The following DHX9 variants were observed in gnomAD, a reference collection of about 807,000 sequenced individuals.
DHX9 encodes ATP-dependent RNA helicase A.
Under a neutral mutation model 148.7 loss-of-function variants are expected in DHX9, and 27 were observed. The observed-to-expected ratio is 0.18, with a 90% confidence interval of 0.13 to 0.25. The LOEUF (loss-of-function observed/expected upper bound fraction) is 0.25. Among genes scored for constraint, DHX9 ranks in the 10% least tolerant of loss-of-function variants. The pLI, the probability that DHX9 is intolerant of heterozygous loss-of-function variation, is 1.00. For synonymous variants in DHX9, 529 were observed against 516.6 expected, an observed-to-expected ratio of 1.02 and a Z score of -0.33; for missense variants, 796 against 1,559.6, an observed-to-expected ratio of 0.51 and a Z score of 8.25.
intron 3 of DHX9, among the ~76,000 whole-genome samples, chr1:182,850,192 A>C (rs570598453): frequency 1.3e-5 from 2 of 152,124 alleles, no homozygotes; most frequent in South Asian, 4.1e-4. Context: ...TACTACTCCA[A>C]GCTTGGGTAT....
intron 14 of DHX9, 73 bp from the exon 15 acceptor site, chr1:182,872,264 A>G (rs1648581324): frequency 5.4e-6 from 7 of 1,303,254 alleles, no homozygotes; most frequent in East Asian, 2.3e-5. Flanking sequence ...TTATGGCTGT[A>G]TAACTCTTTT....
chr1:182,882,699 A>T (rs901500160), intron 24 of DHX9, among the ~76,000 whole-genome samples: 1 of 151,972 alleles, frequency 6.6e-6, no homozygotes, highest in African/African-American at 2.4e-5. Flanking sequence ...ACCCGTCTCT[A>T]CTAAAACTAC....
In DHX9 at chr1:182,876,230, A is replaced by G. The variant is rs756094323; in HGVS notation, c.1996A>G (p.Met666Val). The G allele has an allele frequency of 1.2e-6, 2 of 1,613,826 alleles. No individual in the cohort carries two copies. The highest frequency in any genetic ancestry group is 1.1e-5 in the South Asian group (1 of 91,016). Residue 666 changes from methionine (M) to valine (V), a missense_variant, in exon 17 of 28, where the codon ATG becomes GTG. Physicochemically the swap from Met to Val is conservative, Grantham distance 21. Around this residue, in one of 14 missense-constraint regions of DHX9, gnomAD observed 133 missense variants for 223.8 expected, o/e 0.59. Coordinates refer to ENST00000367549, the MANE Select transcript of DHX9 (RefSeq NM_001357.5). The part of the protein sequence containing the change: ...FLPGWNLIYT[M>V]QKHLEMNPHF... ...GCCTGGCTGGAATCTGATTTATACT[A>G]TGCAGAAGCATTTGGAAATGAATCC...
rs1571311725 is a variant in DHX9, at chr1:182,866,677, T to C, written c.1474+92T>C. On this transcript the variant is annotated intron_variant, in intron 13 of 27. Coordinates refer to ENST00000367549, the MANE Select transcript of DHX9 (RefSeq NM_001357.5). ...GAACAGAATGACTGGAAAGAAATAA[T>C]GAGCCAGTCTCAGATTTCTTGTTTA... 9.2e-6 allele frequency: 13 copies of C among 1,413,992 alleles called. No individual in the cohort carries two copies. The East Asian group carries it at 3.0e-4, about 33-fold the overall frequency. The allele number at this position is 1,413,992 out of a possible 1,614,324, so 87.6% of individuals were successfully genotyped here.
At chr1:182,855,878 A>C (rs1163109187) in intron 6 of DHX9, among the ~76,000 whole-genome samples, 2 of 152,184 alleles carry the variant, frequency 1.3e-5, no homozygotes, top group Non-Finnish European at 2.9e-5. Context: ...CTAAAACCTA[A>C]ATTCATTTTT....
At chr1:182,841,197 A>T (rs554493292) in intron 1 of DHX9, among the ~76,000 whole-genome samples, 187 of 152,260 alleles carry the variant, frequency 1.2e-3, no homozygotes, top group African/African-American at 4.5e-3. Flanking sequence ...AGGCTGAGGC[A>T]GGAGAATCGC....
At chr1:182,882,863 C>CAA (rs796875709) in intron 24 of DHX9, among the ~76,000 whole-genome samples, 5 of 83,814 alleles carry the variant, frequency 6.0e-5, no homozygotes, top group East Asian at 3.7e-4. Flanking sequence ...AGACTCGTCT[C>CAA]AAAAAAAAAA....
At chr1:182,873,104 C>G (rs1465803837) in intron 15 of DHX9, among the ~76,000 whole-genome samples, 1 of 152,050 alleles carries the variant, frequency 6.6e-6, no homozygotes, top group African/African-American at 2.4e-5. Flanking sequence ...TACAGGCGCA[C>G]AACACCACGC....
Position 182,876,088 on chromosome 1 carries a change from A to G in DHX9, c.1854A>G (p.Pro618=), listed in dbSNP as rs749016983. ...CNLICGDEYG[P]ETRLSMSQLN... ...TGATCTGTGGTGATGAATATGGTCCAGAAACAAGGTTGAGCATGTCTCAAT... is the reference window on the plus strand; with the variant it reads ...TGATCTGTGGTGATGAATATGGTCCGGAAACAAGGTTGAGCATGTCTCAAT... The change falls in exon 17 of 28, where the codon CCA becomes CCG. Residue 618 remains proline (P), a synonymous_variant. Transcript: ENST00000367549. 6.2e-7 allele frequency: 1 copy of G among 1,613,856 alleles called. No individual in the cohort carries two copies. Among genetic ancestry groups the G allele is most frequent in the Admixed American group, 1.7e-5 (1 of 59,996 alleles).
intron 6 of DHX9, among the ~76,000 whole-genome samples, chr1:182,854,448 C>G (rs919069802): frequency 1.3e-5 from 2 of 152,126 alleles, no homozygotes; most frequent in Admixed American, 1.3e-4. Context: ...ATCTGAAAGG[C>G]AAAAGTCATG....
chr1:182,845,027 T>C (rs759181315), intron 3 of DHX9, among the ~76,000 whole-genome samples: 3 of 152,210 alleles, frequency 2.0e-5, no homozygotes, highest in Non-Finnish European at 4.4e-5. Flanking sequence ...TTTATGACAG[T>C]ATTCTGACTC....
intron 4 of DHX9, among the ~76,000 whole-genome samples, chr1:182,853,081 C>T (rs1668184830): frequency 6.6e-6 from 1 of 151,916 alleles, no homozygotes; most frequent in Admixed American, 6.6e-5. Context: ...CATATGCCAC[C>T]ATGCCCGGCT....
intron 21 of DHX9, 49 bp from the exon 22 acceptor site, chr1:182,880,447 TA>T: frequency 7.8e-7 from 1 of 1,281,930 alleles, no homozygotes; most frequent in Non-Finnish European, 1.1e-6. Flanking sequence ...TTTGTCTGCC[TA>T]AAATTAGTGT....
chr1:182,867,444 C>G (rs1191388129), intron 14 of DHX9, among the ~76,000 whole-genome samples: 1 of 152,010 alleles, frequency 6.6e-6, no homozygotes, highest in African/African-American at 2.4e-5. Flanking sequence ...GCTCTGTCAC[C>G]CAGGCTGGAG....
At position 182,852,123 on chromosome 1, in the gene DHX9, A is replaced by G. The variant is rs574763579; in HGVS notation, c.253-110A>G. The stretch of plus-strand genomic sequence containing the variant: ...TTAACCTCTAAACAAAGATGGTAAT[A>G]TTACAAAGAAAGGAGGTATGACACA... On this transcript the variant is annotated intron_variant, in intron 3 of 27. Coordinates refer to ENST00000367549, the MANE Select transcript of DHX9 (RefSeq NM_001357.5). 271 of 616,558 alleles carry G rather than the reference A, an allele frequency of 4.4e-4. 1 individual carries two copies. The African/African-American group carries it at 4.5e-3, about 10-fold the overall frequency. 38.2% of individuals were successfully genotyped at this position (616,558 alleles called of 1,614,324 possible).
At chr1:182,884,895 G>A in intron 27 of DHX9, 82 bp downstream of exon 27, 1 of 1,337,596 alleles carries the variant, frequency 7.5e-7, no homozygotes, top group Admixed American at 1.7e-5. Context: ...GTTAGTGATA[G>A]AAGCCCTATT....
intron 3 of DHX9, among the ~76,000 whole-genome samples, chr1:182,845,075 C>A (rs1553237781): frequency 6.6e-6 from 1 of 152,206 alleles, no homozygotes; most frequent in African/African-American, 2.4e-5. Flanking sequence ...ATTCCTTTGA[C>A]TAAGAACTCG....
chr1:182,854,756 A>C (rs539453889), intron 6 of DHX9, among the ~76,000 whole-genome samples: 1 of 152,286 alleles, frequency 6.6e-6, no homozygotes, highest in African/African-American at 2.4e-5. Context: ...TTAAATGTAT[A>C]AAACAATATA....
intron 14 of DHX9, among the ~76,000 whole-genome samples, chr1:182,868,981 CTTAA>C (rs1234334582): frequency 6.6e-6 from 1 of 152,124 alleles, no homozygotes; most frequent in Non-Finnish European, 1.5e-5. Flanking sequence ...TCCTAATTAA[CTTAA>C]TTGACAAATG....
Sources: gnomAD v4.1 joint callset for allele counts (sites outside exome capture counted in the v4.1 genomes callset) on GRCh38, gnomAD v4.1.1 for gene constraint, gnomAD v4.1.1 regional missense constraint, MANE v1.5 for transcripts, NCBI Gene and HGNC (gene_info 2026-07-23, HGNC 2026-07-21) for gene names.